The following KIF2A variants were observed in gnomAD, a reference collection of about 807,000 sequenced individuals.
The protein encoded by KIF2A is kinesin family member 2A.
In KIF2A, 22 loss-of-function variants were observed where a neutral mutation model predicts 100.2. That is an observed-to-expected ratio of 0.22 (90% confidence interval 0.16 to 0.31). The LOEUF is 0.31. KIF2A is among the 10% of genes least tolerant of loss of function. The pLI is 1.00. For missense variants in KIF2A, 495 were observed against 898.7 expected (o/e 0.55, Z 5.74); for synonymous variants, 268 against 285.9 (o/e 0.94, Z 0.63).
At chr5:62,343,260 G>T in intron 1 of KIF2A, among the ~76,000 whole-genome samples, 1 of 152,000 alleles carries the variant, frequency 6.6e-6, no homozygotes, top group East Asian at 1.9e-4. Flanking sequence ...ACTCCTCCCA[G>T]TATTTTTTTA....
chr5:62,390,903 C>A lies in KIF2A; in HGVS notation c.*5334C>A. On this transcript the variant is annotated 3_prime_UTR_variant, in exon 21 of 21. Transcript: ENST00000407818. ...GATGAAGTCATCTATGTCCATGGAA[C>A]GGGCCCGTTTGTCACTAAAACCTGT... 3.7e-6 allele frequency: 6 copies of A among 1,612,004 alleles called. No homozygotes were observed. The highest frequency in any genetic ancestry group is 5.1e-6 in the Non-Finnish European group (6 of 1,179,820).
chr5:62,373,795 T>C lies in KIF2A; in HGVS notation c.1869T>C (p.Ser623=), dbSNP rs1220038252. 1 of 1,612,292 alleles carries C rather than the reference T, an allele frequency of 6.2e-7. No homozygotes were observed. ...TAGAGACACAGTGGGGTGTGGGGAGTTCCCCTCAGAGAGATGATCTAAAAC... is the reference window on the plus strand; with the variant it reads ...TAGAGACACAGTGGGGTGTGGGGAGCTCCCCTCAGAGAGATGATCTAAAAC... ...DDLETQWGVG[S]SPQRDDLKLL... The change falls in exon 18 of 21, where the codon AGT becomes AGC. Residue 623 remains serine, a synonymous_variant. Transcript: ENST00000407818.
chr5:62,316,079 G>A (rs563260581), intron 1 of KIF2A, among the ~76,000 whole-genome samples: 2 of 152,220 alleles, frequency 1.3e-5, no homozygotes, highest in East Asian at 1.9e-4. Flanking sequence ...GCCTATCAAG[G>A]TAATATCAAA....
chr5:62,320,913 AC>A (rs1434097374), intron 1 of KIF2A, among the ~76,000 whole-genome samples: 2 of 152,080 alleles, frequency 1.3e-5, no homozygotes, highest in African/African-American at 4.8e-5. Context: ...AGAAACCCAT[AC>A]CCATTAGCAG....
At chr5:62,382,674 T>G (rs1219876441) in intron 20 of KIF2A, among the ~76,000 whole-genome samples, 1 of 150,874 alleles carries the variant, frequency 6.6e-6, no homozygotes, top group African/African-American at 2.4e-5. Flanking sequence ...GCTCTTATTG[T>G]CCAGGCTGGG....
At position 62,348,109 on chromosome 5, in the gene KIF2A, C is replaced by A; in HGVS notation, c.221C>A (p.Pro74His). 1 of 1,613,708 alleles carries A rather than the reference C, an allele frequency of 6.2e-7. No homozygotes were observed. Among genetic ancestry groups the A allele is most frequent in the Non-Finnish European group, 8.5e-7 (1 of 1,179,790 alleles). The change falls in exon 3 of 21, where the codon CCC becomes CAC. Residue 74 changes from proline (P) to histidine (H), a missense_variant. Around this residue, in one of 10 missense-constraint regions of KIF2A, gnomAD observed 115 missense variants for 143.6 expected, o/e 0.80. Coordinates refer to ENST00000407818, the MANE Select transcript of KIF2A (RefSeq NM_001098511.3). Reference protein sequence around the residue: ...PDLVPDEEIEPSPETPPPPAS... With the variant: ...PDLVPDEEIEHSPETPPPPAS... The stretch of plus-strand genomic sequence containing the variant: ...CTTGTTCCTGATGAAGAAATTGAAC[C>A]CAGTCCAGAAACACCTCCACCTCCA...
chr5:62,383,989 C>A (rs1433539305), intron 20 of KIF2A, among the ~76,000 whole-genome samples: 1 of 152,118 alleles, frequency 6.6e-6, no homozygotes, highest in Non-Finnish European at 1.5e-5. Context: ...GTAATCCCAG[C>A]ACTTTGGGAG....
intron 16 of KIF2A, among the ~76,000 whole-genome samples, chr5:62,370,862 A>C (rs1318738224): frequency 6.6e-6 from 1 of 152,180 alleles, no homozygotes; most frequent in Non-Finnish European, 1.5e-5. Flanking sequence ...CTTGGGCAAG[A>C]GGGCTTTGGA....
At chr5:62,377,872 T>C (rs1335454561) in intron 19 of KIF2A, 110 bp downstream of exon 19, 4 of 549,906 alleles carry the variant, frequency 7.3e-6, no homozygotes, top group Admixed American at 3.6e-5. Context: ...TTTGTATATA[T>C]GTATATGTGT....
rs1742245444 is a variant in KIF2A, at chr5:62,390,323, C to T, written c.*4754C>T. 1.3e-5 allele frequency among the ~76,000 whole-genome samples: 2 copies of T among 152,158 alleles called. No homozygotes were observed. The highest frequency in any genetic ancestry group is 1.3e-4 in the Admixed American group (2 of 15,274). ...GCAAAACAAATTTTGGTCTAAATTACCTAGATAATTATGACAGCTTTTTAC... is the reference window on the plus strand; with the variant it reads ...GCAAAACAAATTTTGGTCTAAATTATCTAGATAATTATGACAGCTTTTTAC... On this transcript the variant is annotated 3_prime_UTR_variant, in exon 21 of 21. Transcript: ENST00000407818.
chr5:62,370,785 T>A lies in KIF2A; in HGVS notation c.1647-1653T>A, dbSNP rs1387519155. On this transcript the variant is annotated intron_variant, in intron 16 of 20. Transcript: ENST00000407818. ...GATTGGGTCTTGGGTAGAAGAGTGA[T>A]TAGAGTGATTAGGAGTTTTTAGTAA... Among the ~76,000 whole-genome samples the A allele has an allele frequency of 2.4e-4, 36 of 152,074 alleles. 2 individuals are homozygous for A. The highest frequency in any genetic ancestry group is 2.4e-3 in the Admixed American group (36 of 15,254).
chr5:62,328,554 C>T (rs955512283), intron 1 of KIF2A, among the ~76,000 whole-genome samples: 12 of 151,924 alleles, frequency 7.9e-5, no homozygotes, highest in African/African-American at 2.4e-4. Flanking sequence ...TGCAGTGGTG[C>T]GATCTCGGCT....
intron 1 of KIF2A, among the ~76,000 whole-genome samples, chr5:62,318,640 A>G (rs10078567): frequency 2.6e-5 from 4 of 151,960 alleles, no homozygotes; most frequent in African/African-American, 4.8e-5. Flanking sequence ...TTTTCCTTCT[A>G]TTACTCAGAT....
rs549547058 is a variant in KIF2A at position 62,374,936 on chromosome 5, T to C, written c.1911+1099T>C. 6.6e-5 allele frequency among the ~76,000 whole-genome samples: 10 copies of C among 152,226 alleles called. No homozygotes were observed. In the East Asian group the frequency reaches 1.9e-3, roughly 29 times the overall value. ...AGTGAGACTCCATCTCAAAAAAAAT[T>C]TTTTAAAGCTTAGAAACAAAAGAAC... On this transcript the variant is annotated intron_variant, in intron 18 of 20. Transcript: ENST00000407818.
chr5:62,308,847 G>T (rs562027497), intron 1 of KIF2A, among the ~76,000 whole-genome samples: 2 of 152,256 alleles, frequency 1.3e-5, no homozygotes, highest in East Asian at 3.9e-4. Context: ...TAGAGATACA[G>T]GGGGACCAAT....
chr5:62,325,127 TTTC>T (rs1746302500), intron 1 of KIF2A, among the ~76,000 whole-genome samples: 1 of 152,154 alleles, frequency 6.6e-6, no homozygotes, highest in Admixed American at 6.5e-5. Flanking sequence ...TTTCTTTTCT[TTTC>T]TTTTCTTTTT....
chr5:62,341,563 A>G (rs1747294733), intron 1 of KIF2A, among the ~76,000 whole-genome samples: 1 of 151,692 alleles, frequency 6.6e-6, no homozygotes, highest in South Asian at 2.1e-4. Flanking sequence ...CTGCCTCCCA[A>G]AGTGCTGGGA....
In KIF2A at chr5:62,362,512, GC is replaced by G; in HGVS notation, c.1091del (p.Ala364GlufsTer15). 6.9e-7 allele frequency: 1 copy of G among 1,451,048 alleles called. No homozygotes were observed. The highest frequency in any genetic ancestry group is 9.1e-7 in the Non-Finnish European group (1 of 1,103,452). The allele number at this position is 1,451,048 out of a possible 1,614,324, so 89.9% of individuals were successfully genotyped here. ...TAAGAAGCTAGAACTTCAAGTATAT[GC>G]AACCTTCTTTGAAATTTATAGTGGA... Reference protein sequence around the residue: ...NYKKLELQVYATFFEIYSGKV... With the variant: ...NYKKLELQVYXTFFEIYSGKV... On this transcript the variant is annotated frameshift_variant, in exon 12 of 21. Coordinates refer to ENST00000407818, the MANE Select transcript of KIF2A (RefSeq NM_001098511.3). LOFTEE classifies it high-confidence loss of function.
intron 1 of KIF2A, among the ~76,000 whole-genome samples, chr5:62,336,501 A>G (rs1367742720): frequency 6.6e-6 from 1 of 152,226 alleles, no homozygotes; most frequent in East Asian, 1.9e-4. Flanking sequence ...CAGGATACCT[A>G]GAAAACCCCC....
Sources: allele counts gnomAD v4.1 joint callset (sites outside exome capture counted in the v4.1 genomes callset), GRCh38; gene constraint gnomAD v4.1.1; regional missense constraint gnomAD v4.1.1; transcripts MANE v1.5; gene names NCBI Gene and HGNC (gene_info 2026-07-23, HGNC 2026-07-21).